OR9Q1: variants seen among roughly 807,000 people sequenced by gnomAD.
The protein encoded by OR9Q1 is olfactory receptor 9Q1.
For missense variants in OR9Q1, 374 were observed against 378.8 expected (o/e 0.99, Z 0.11); for synonymous variants, 153 against 148.6 (o/e 1.03, Z -0.22).
At chr11:58,123,109 A>G (rs1032570753) in intron 2 of OR9Q1, among the ~76,000 whole-genome samples, 7 of 152,124 alleles carry the variant, frequency 4.6e-5, no homozygotes, top group African/African-American at 7.2e-5. Flanking sequence ...CCTTATTTTT[A>G]CCAATGAGGA....
intron 2 of OR9Q1, among the ~76,000 whole-genome samples, chr11:58,115,498 G>A (rs539698836): frequency 8.6e-4 from 131 of 152,244 alleles, no homozygotes; most frequent in African/African-American, 2.9e-3. Context: ...CCACAGGTGC[G>A]TACAGTTTTT....
chr11:58,133,911 G>A (rs974938987), intron 2 of OR9Q1, among the ~76,000 whole-genome samples: 1 of 120,862 alleles, frequency 8.3e-6, no homozygotes, highest in Non-Finnish European at 1.6e-5. Context: ...TGGTCAGAAG[G>A]GGTCACTGCT....
intron 2 of OR9Q1, among the ~76,000 whole-genome samples, chr11:58,165,984 G>A (rs147923396): frequency 3.9e-5 from 6 of 152,284 alleles, no homozygotes; most frequent in African/African-American, 9.6e-5. Context: ...TTTCTTCTCC[G>A]ATGTCTTTCA....
chr11:58,034,820 T>TCCTTCCTTCCTTCCTTCCTTCCTTCCTC, intron 1 of OR9Q1, among the ~76,000 whole-genome samples: 1 of 141,420 alleles, frequency 7.1e-6, no homozygotes, highest in Non-Finnish European at 1.5e-5. Context: ...CTTCCTTCCT[T>TCCTTCCTTCCTTCCTTCCTTCCTTCCTC]CCTTGCTTCC....
chr11:58,134,867 C>T (rs1854175961), intron 2 of OR9Q1, among the ~76,000 whole-genome samples: 2 of 152,158 alleles, frequency 1.3e-5, no homozygotes, highest in Admixed American at 1.3e-4. Flanking sequence ...TCACTTTCTT[C>T]ATCTGAAAAT....
In OR9Q1 at chr11:58,143,052, T is replaced by G. The variant is rs766764299; in HGVS notation, c.-14-36379T>G. ...CTGGCATACAAATCCATTGTGCATA[T>G]ATGCACATCAGAAACAACCCTAAAG... On this transcript the variant is annotated intron_variant, in intron 2 of 2. Transcript: ENST00000335397. 5.3e-5 allele frequency among the ~76,000 whole-genome samples: 8 copies of G among 152,148 alleles called. 1 individual carries two copies. The highest frequency in any genetic ancestry group is 7.3e-5 in the Non-Finnish European group (5 of 68,028).
chr11:58,107,441 T>G (rs1329570487), intron 2 of OR9Q1, among the ~76,000 whole-genome samples: 1 of 152,208 alleles, frequency 6.6e-6, no homozygotes, highest in African/African-American at 2.4e-5. Flanking sequence ...GGACATGAAC[T>G]CATCCTTTTT....
chr11:58,144,829 G>C (rs1854284701), intron 2 of OR9Q1: 1 of 152,424 alleles, frequency 6.6e-6, no homozygotes, highest in Admixed American at 6.6e-5. Flanking sequence ...CCTTTTGGCT[G>C]TGATGGCTTA....
chr11:58,122,346 G>T (rs533401426), intron 2 of OR9Q1, among the ~76,000 whole-genome samples: 2 of 152,276 alleles, frequency 1.3e-5, no homozygotes, highest in Admixed American at 6.5e-5. Context: ...GGCCTTCATG[G>T]TATGGTTCAA....
intron 1 of OR9Q1, among the ~76,000 whole-genome samples, chr11:58,029,842 C>CTT (rs1853012759): frequency 1.9e-5 from 2 of 102,954 alleles, no homozygotes; most frequent in South Asian, 7.8e-4. Context: ...CCTGCCTCCT[C>CTT]CTTTTTTTTT....
At chr11:58,047,673 A>G (rs1197057122) in intron 1 of OR9Q1, 1 of 151,644 alleles carries the variant, frequency 6.6e-6, no homozygotes, top group African/African-American at 2.4e-5. Context: ...GGAGTTTCAG[A>G]CCAGCCTGGC....
intron 2 of OR9Q1, among the ~76,000 whole-genome samples, chr11:58,071,491 TAAAATA>T (rs1393532964): frequency 6.6e-6 from 1 of 150,960 alleles, no homozygotes; most frequent in African/African-American, 2.4e-5. Flanking sequence ...AAAAAAAAAA[TAAAATA>T]AAAATAAAGA....
At chr11:58,113,991 C>A (rs1019625347) in intron 2 of OR9Q1, among the ~76,000 whole-genome samples, 1 of 152,006 alleles carries the variant, frequency 6.6e-6, no homozygotes, top group African/African-American at 2.4e-5. Context: ...CTGAGCAGGT[C>A]CAAGGAGAAT....
chr11:58,110,248 T>G (rs774640842), intron 2 of OR9Q1, among the ~76,000 whole-genome samples: 2 of 152,204 alleles, frequency 1.3e-5, no homozygotes, highest in Non-Finnish European at 2.9e-5. Flanking sequence ...CTCTGTGTGT[T>G]GGGTAAAACC....
At chr11:58,145,006 T>G (rs1033322138) in intron 2 of OR9Q1, 1 of 161,998 alleles carries the variant, frequency 6.2e-6, no homozygotes, top group Non-Finnish European at 1.4e-5. Flanking sequence ...CCATGTAGAC[T>G]TCTTTTTCTG....
At chr11:58,085,221 C>T (rs11229250) in intron 2 of OR9Q1, among the ~76,000 whole-genome samples, 37,604 of 151,364 alleles carry the variant, frequency 0.25, 5,406 homozygotes, top group East Asian at 0.58. Context: ...TCTATATGGC[C>T]TTATTTCTGA....
chr11:58,036,351 C>T (rs1340057827), intron 1 of OR9Q1, among the ~76,000 whole-genome samples: 1 of 152,204 alleles, frequency 6.6e-6, no homozygotes, highest in East Asian at 1.9e-4. Context: ...GACAATGCAC[C>T]TGATGACACG....
intron 2 of OR9Q1, among the ~76,000 whole-genome samples, chr11:58,130,357 AATC>A (rs1167316388): frequency 2.6e-5 from 4 of 152,238 alleles, no homozygotes; most frequent in Admixed American, 6.5e-5. Flanking sequence ...TTGCCTACAT[AATC>A]ATCAAATATT....
chr11:58,158,403 C>T (rs1327965041), intron 2 of OR9Q1, among the ~76,000 whole-genome samples: 4 of 145,170 alleles, frequency 2.8e-5, no homozygotes, highest in Non-Finnish European at 6.0e-5. Context: ...GTGATATAAA[C>T]ATAGCCGCCT....
Sources: gnomAD v4.1 joint callset for allele counts (sites outside exome capture counted in the v4.1 genomes callset) on GRCh38, gnomAD v4.1.1 for gene constraint, MANE v1.5 for transcripts, NCBI Gene and HGNC (gene_info 2026-07-23, HGNC 2026-07-21) for gene names.